Variants in IHO1 observed in about 807,000 individuals in gnomAD.
The protein encoded by IHO1 is interactor of HORMAD1 protein 1.
IHO1 carries 13 observed loss-of-function variants against 31.0 expected under a neutral mutation model. The observed-to-expected ratio is 0.42, with a 90% CI of 0.27 to 0.67. The LOEUF is 0.67. IHO1 is among the 30% of genes least tolerant of loss of function. The pLI is 0.24. For synonymous variants in IHO1, 221 were observed against 248.4 expected, an observed-to-expected ratio of 0.89 and a Z score of 1.04; for missense variants, 599 against 687.5, an observed-to-expected ratio of 0.87 and a Z score of 1.44.
intron 6 of IHO1, among the ~76,000 whole-genome samples, chr3:49,254,891 C>G (rs1343897220): frequency 2.0e-5 from 3 of 151,734 alleles, no homozygotes; most frequent in Non-Finnish European, 4.4e-5. Context: ...TAGTGAAACC[C>G]CATCTCTACT....
chr3:49,230,002 C>T (rs140195698), intron 2 of IHO1, among the ~76,000 whole-genome samples: 3,433 of 152,140 alleles, frequency 0.023, 61 homozygotes, highest in Non-Finnish European at 0.03. Flanking sequence ...TTGAAGGAAC[C>T]GCTTCAAGTG....
chr3:49,222,651 T>G lies in IHO1; in HGVS notation c.56+10815T>G, dbSNP rs796327547. Among the ~76,000 whole-genome samples, 4 of 152,332 alleles carry G rather than the reference T, an allele frequency of 2.6e-5. No individual in the cohort carries two copies. In the East Asian group the frequency reaches 5.8e-4, roughly 22 times the overall value. On this transcript the variant is annotated intron_variant, in intron 2 of 7. Coordinates refer to ENST00000452691, the MANE Select transcript of IHO1 (RefSeq NM_001135197.2). ...CCATTAAAGGGGCAAGGAGAGGTAT[T>G]AAAGATTATGTAGGTTTTCACTTAT...
chr3:49,193,200 G>A, the IHO1 span, among the ~76,000 whole-genome samples: 1 of 151,612 alleles, frequency 6.6e-6, no homozygotes, highest in East Asian at 1.9e-4. Flanking sequence ...GTGAAACTCT[G>A]TCTCTACCAA....
intron 1 of IHO1, among the ~76,000 whole-genome samples, chr3:49,201,057 G>C (rs1375366239): frequency 4.6e-5 from 7 of 151,532 alleles, no homozygotes; most frequent in Admixed American, 3.9e-4. Context: ...GCAGTGGCAC[G>C]ATCTCTGCTC....
chr3:49,208,276 C>T (rs1387672458), intron 1 of IHO1, among the ~76,000 whole-genome samples: 1 of 152,200 alleles, frequency 6.6e-6, no homozygotes, highest in African/African-American at 2.4e-5. Context: ...CAGTACCAGT[C>T]AGTCCATGGC....
At chr3:49,215,822 C>A (rs2046280433) in intron 2 of IHO1, among the ~76,000 whole-genome samples, 1 of 151,964 alleles carries the variant, frequency 6.6e-6, no homozygotes, top group Non-Finnish European at 1.5e-5. Flanking sequence ...TTTTGAGAGG[C>A]CTGAAGGTCC....
chr3:49,244,884 G>C (rs2046676136), intron 6 of IHO1, 151 bp downstream of exon 6: 1 of 726,916 alleles, frequency 1.4e-6, no homozygotes, highest in Admixed American at 2.0e-5. Flanking sequence ...AAGAGATGTG[G>C]AGCACACTGA....
At chr3:49,248,995 A>C (rs1241627324) in intron 6 of IHO1, among the ~76,000 whole-genome samples, 1 of 152,226 alleles carries the variant, frequency 6.6e-6, no homozygotes, top group Non-Finnish European at 1.5e-5. Flanking sequence ...TCATGTGCTC[A>C]TCAGGGAATA....
chr3:49,240,665 G>C (rs965754084), intron 3 of IHO1, among the ~76,000 whole-genome samples: 1 of 152,080 alleles, frequency 6.6e-6, no homozygotes, highest in African/African-American at 2.4e-5. Flanking sequence ...CCAGCCAGTC[G>C]GTGCTTTAAG....
chr3:49,255,629 A>G (rs1403643189), intron 7 of IHO1, 136 bp downstream of exon 7: 15 of 526,768 alleles, frequency 2.8e-5, no homozygotes, highest in Non-Finnish European at 4.6e-5. Context: ...AGTTCACTGC[A>G]ACCTCCGCCT....
intron 2 of IHO1, chr3:49,228,217 A>G (rs1014535446): frequency 4.5e-5 from 17 of 375,380 alleles, no homozygotes; most frequent in Non-Finnish European, 9.0e-5. Context: ...GGGTCAACCA[A>G]CTTGTTGTCG....
At chr3:49,204,259 C>T (rs1240994562) in intron 1 of IHO1, among the ~76,000 whole-genome samples, 1 of 152,114 alleles carries the variant, frequency 6.6e-6, no homozygotes, top group African/African-American at 2.4e-5. Context: ...TTGGAGGGGA[C>T]ATTTAAAACA....
intron 2 of IHO1, among the ~76,000 whole-genome samples, chr3:49,224,679 A>G (rs2046397004): frequency 6.6e-6 from 1 of 152,212 alleles, no homozygotes; most frequent in African/African-American, 2.4e-5. Context: ...TGCCCTTCGT[A>G]TCCCATTCTC....
intron 3 of IHO1, among the ~76,000 whole-genome samples, chr3:49,237,885 T>TC (rs2046578706): frequency 7.9e-6 from 1 of 126,506 alleles, no homozygotes; most frequent in Non-Finnish European, 1.7e-5. Flanking sequence ...ACCTGTCTTT[T>TC]CCTTTTTTTT....
At chr3:49,205,563 C>T (rs1202948591) in intron 1 of IHO1, among the ~76,000 whole-genome samples, 2 of 150,486 alleles carry the variant, frequency 1.3e-5, no homozygotes, top group Non-Finnish European at 2.9e-5. Flanking sequence ...TCGAGTGCTG[C>T]GATTACAGCG....
intron 2 of IHO1, chr3:49,213,898 A>G: frequency 3.0e-6 from 1 of 328,046 alleles, no homozygotes; most frequent in Non-Finnish European, 6.7e-6. Flanking sequence ...TAGTGCAGCG[A>G]CAGGCTGAAG....
At chr3:49,193,055 A>G in the IHO1 span, among the ~76,000 whole-genome samples, 1 of 152,198 alleles carries the variant, frequency 6.6e-6, no homozygotes, top group Non-Finnish European at 1.5e-5. Context: ...GGCTACAGAT[A>G]TTAGAATCCA....
At chr3:49,191,924 C>G in the IHO1 span, 1 of 738,074 alleles carries the variant, frequency 1.4e-6, no homozygotes. Flanking sequence ...TGAGACAGTA[C>G]ATGACCTGTT....
intron 6 of IHO1, among the ~76,000 whole-genome samples, chr3:49,251,843 C>G (rs1244237762): frequency 6.6e-6 from 1 of 152,090 alleles, no homozygotes; most frequent in Non-Finnish European, 1.5e-5. Context: ...CTCAGCTGAT[C>G]TGCCCGCGTC....
Sources: gnomAD v4.1 joint callset for allele counts (sites outside exome capture counted in the v4.1 genomes callset) on GRCh38, gnomAD v4.1.1 for gene constraint, MANE v1.5 for transcripts, NCBI Gene and HGNC (gene_info 2026-07-23, HGNC 2026-07-21) for gene names.